PDE10A: variants seen among roughly 807,000 people sequenced by gnomAD.
The protein encoded by PDE10A is phosphodiesterase 10A, also known as cAMP and cAMP-inhibited cGMP 3',5'-cyclic phosphodiesterase 10A.
PDE10A carries 39 observed loss-of-function variants against 97.7 expected under a neutral mutation model. That is an observed-to-expected ratio of 0.40 (90% CI 0.31 to 0.52). The LOEUF (loss-of-function observed/expected upper bound fraction) is 0.52. Among genes scored for constraint, PDE10A ranks in the 20% least tolerant of loss-of-function variants. PDE10A has a pLI of 0.56. For synonymous variants in PDE10A, 371 were observed against 376.8 expected (o/e 0.98, Z 0.18); for missense variants, 731 against 1,047.8 (o/e 0.70, Z 4.17).
intron 1 of PDE10A, among the ~76,000 whole-genome samples, chr6:165,795,093 C>A (rs777809908): frequency 6.6e-6 from 1 of 152,218 alleles, no homozygotes; most frequent in Non-Finnish European, 1.5e-5. Flanking sequence ...CTACCTACCC[C>A]ACTCTTCCCG....
intron 1 of PDE10A, among the ~76,000 whole-genome samples, chr6:165,763,822 G>T (rs1793309042): frequency 2.0e-5 from 3 of 152,194 alleles, no homozygotes; most frequent in African/African-American, 7.2e-5. Context: ...AGCATAGGAA[G>T]CTTTTTGTAC....
At chr6:165,635,573 T>C (rs1287396049) in intron 1 of PDE10A, among the ~76,000 whole-genome samples, 1 of 152,214 alleles carries the variant, frequency 6.6e-6, no homozygotes, top group Non-Finnish European at 1.5e-5. Flanking sequence ...CTTTAGAGTA[T>C]ATCTACTTTT....
At chr6:165,553,980 A>C (rs1439120014) in intron 1 of PDE10A, among the ~76,000 whole-genome samples, 3 of 152,182 alleles carry the variant, frequency 2.0e-5, no homozygotes, top group African/African-American at 7.2e-5. Context: ...TGTTATATAA[A>C]GGATTTAATG....
chr6:165,787,999 TG>T (rs1778540147), intron 1 of PDE10A, among the ~76,000 whole-genome samples: 1 of 152,134 alleles, frequency 6.6e-6, no homozygotes, highest in African/African-American at 2.4e-5. Flanking sequence ...TCAATGAGAG[TG>T]TGATGTATAG....
At chr6:165,436,047 C>T (rs751581165) in intron 5 of PDE10A, among the ~76,000 whole-genome samples, 11 of 152,026 alleles carry the variant, frequency 7.2e-5, no homozygotes, top group African/African-American at 2.7e-4. Context: ...GTTATTTTGA[C>T]GAAATCCAAA....
chr6:165,536,442 A>G (rs947539035), intron 2 of PDE10A, among the ~76,000 whole-genome samples: 1 of 152,050 alleles, frequency 6.6e-6, no homozygotes, highest in African/African-American at 2.4e-5. Flanking sequence ...ACAGGCAACC[A>G]AAGCAAAAAC....
chr6:165,487,735 C>A (rs1244084303), intron 2 of PDE10A, among the ~76,000 whole-genome samples: 4 of 152,058 alleles, frequency 2.6e-5, no homozygotes, highest in Admixed American at 2.6e-4. Flanking sequence ...AGTGTCCCTC[C>A]CCCAGCACAA....
chr6:165,975,521 G>T (rs778269270), intron 1 of PDE10A, among the ~76,000 whole-genome samples: 3 of 152,194 alleles, frequency 2.0e-5, no homozygotes. Context: ...CTTAACATTT[G>T]CCAGGCTTTA....
chr6:165,729,070 C>T (rs1792363448), intron 1 of PDE10A, among the ~76,000 whole-genome samples: 1 of 151,964 alleles, frequency 6.6e-6, no homozygotes, highest in African/African-American at 2.4e-5. Context: ...GGAGTGGTGA[C>T]ATATTCCTGT....
At chr6:165,726,547 G>A (rs1337874210) in intron 1 of PDE10A, among the ~76,000 whole-genome samples, 4 of 150,630 alleles carry the variant, frequency 2.7e-5, no homozygotes, top group Non-Finnish European at 6.0e-5. Flanking sequence ...GGAGAGCCAC[G>A]ATGCCCGAGG....
chr6:165,717,066 G>A (rs1412726513), intron 1 of PDE10A, among the ~76,000 whole-genome samples: 6 of 152,120 alleles, frequency 3.9e-5, no homozygotes, highest in African/African-American at 1.4e-4. Flanking sequence ...TTCTCTAGGT[G>A]CGTCATGGAA....
chr6:165,711,311 G>A lies in PDE10A; in HGVS notation c.-614-167743C>T, dbSNP rs1562698310. On this transcript the variant is annotated intron_variant, in intron 1 of 19. Coordinates refer to the PDE10A transcript ENST00000366882. The surrounding 1 kb of genome is among the most constrained non-coding windows in gnomAD (Gnocchi z 4.5). ...TTGGCCCTTCAAGTTGGGCACTGTG[G>A]CACCATTACAGATGGTATGATTCAG... 6.6e-6 allele frequency among the ~76,000 whole-genome samples: 1 copy of A among 152,200 alleles called. No homozygotes were observed. The highest frequency in any genetic ancestry group is 1.9e-4 in the East Asian group (1 of 5,184).
Position 165,941,635 on chromosome 6 carries a change from CA to C in PDE10A, c.-615+45893del, listed in dbSNP as rs1470616489. On this transcript the variant is annotated intron_variant, in intron 1 of 19. Coordinates refer to the PDE10A transcript ENST00000366882. ...AAAAGTGTGTAGCAACTCCCTCCCC[CA>C]CTCTCCCTTGCTCCTGCTTTTGCCA... Among the ~76,000 whole-genome samples, 12 of 152,306 alleles carry C rather than the reference CA, an allele frequency of 7.9e-5. No individual in the cohort carries two copies. In the East Asian group the frequency reaches 2.3e-3, roughly 29 times the overall value.
At chr6:165,920,464 A>G (rs564058588) in intron 1 of PDE10A, among the ~76,000 whole-genome samples, 1 of 152,298 alleles carries the variant, frequency 6.6e-6, no homozygotes, top group East Asian at 1.9e-4. Flanking sequence ...GTTATCTTTA[A>G]GAATGAGACC....
At chr6:165,899,866 GCTTA>G (rs1782055862) in intron 1 of PDE10A, among the ~76,000 whole-genome samples, 1 of 152,338 alleles carries the variant, frequency 6.6e-6, no homozygotes, top group Admixed American at 6.5e-5. Flanking sequence ...ATCTCCCTCT[GCTTA>G]CGGAGTTGGG....
intron 2 of PDE10A, among the ~76,000 whole-genome samples, chr6:165,487,279 T>C (rs577883988): frequency 1.3e-5 from 2 of 152,274 alleles, no homozygotes; most frequent in African/African-American, 4.8e-5. Context: ...CAGGGTTTTC[T>C]GCAGTGACAG....
At chr6:165,732,414 T>G (rs1448708572) in intron 1 of PDE10A, among the ~76,000 whole-genome samples, 1 of 152,190 alleles carries the variant, frequency 6.6e-6, no homozygotes, top group African/African-American at 2.4e-5. Flanking sequence ...TCTAGAATCA[T>G]CAGTGAGCAC....
intron 1 of PDE10A, among the ~76,000 whole-genome samples, chr6:165,778,086 A>AT (rs1350145449): frequency 7.0e-4 from 105 of 150,816 alleles, no homozygotes; most frequent in African/African-American, 2.5e-3. Flanking sequence ...TTTTATTATT[A>AT]TTTTTTGAGA....
chr6:165,459,862 TA>T (rs1778215953), intron 3 of PDE10A, among the ~76,000 whole-genome samples: 1 of 151,808 alleles, frequency 6.6e-6, no homozygotes, highest in South Asian at 2.1e-4. Flanking sequence ...ATGCTCATAC[TA>T]AAAAAGAATG....
Sources: gnomAD v4.1 joint callset for allele counts (sites outside exome capture counted in the v4.1 genomes callset) on GRCh38, gnomAD v4.1.1 for gene constraint, Gnocchi (gnomAD v3.1) non-coding constraint, MANE v1.5 for transcripts, NCBI Gene and HGNC (gene_info 2026-07-23, HGNC 2026-07-21) for gene names.